Variants in TNIK observed in about 807,000 individuals in gnomAD.
The protein encoded by TNIK is TRAF2 and NCK interacting kinase.
TNIK carries 49 observed loss-of-function variants against 191.3 expected under a neutral mutation model. That is an observed-to-expected ratio of 0.26 (90% CI 0.20 to 0.32). The LOEUF (loss-of-function observed/expected upper bound fraction) is 0.32, where lower values mean the gene tolerates loss of function less well. Ranked by LOEUF, TNIK falls within the 10% of genes least tolerant of loss-of-function variation. TNIK has a pLI of 1.00. For synonymous variants in TNIK, 594 were observed against 600.9 expected (o/e 0.99, Z 0.17); for missense variants, 1,155 against 1,702.3 (o/e 0.68, Z 5.66).
chr3:171,095,901 A>T (rs1722645517), intron 22 of TNIK, among the ~76,000 whole-genome samples: 1 of 152,198 alleles, frequency 6.6e-6, no homozygotes, highest in African/African-American at 2.4e-5. Context: ...TAGTGTTCAG[A>T]GACATGGAAA....
At chr3:171,110,322 A>G (rs1410184658) in intron 19 of TNIK, among the ~76,000 whole-genome samples, 3 of 152,240 alleles carry the variant, frequency 2.0e-5, no homozygotes, top group Non-Finnish European at 2.9e-5. Context: ...TATATGAACT[A>G]TGTTCAGAAT....
chr3:171,447,073 C>A (rs1727600558), intron 1 of TNIK, among the ~76,000 whole-genome samples: 1 of 152,156 alleles, frequency 6.6e-6, no homozygotes, highest in Non-Finnish European at 1.5e-5. Context: ...CGCCTGTAAT[C>A]CCAGCTACTC....
intron 1 of TNIK, among the ~76,000 whole-genome samples, chr3:171,434,635 T>C (rs141530246): frequency 7.1e-4 from 108 of 152,114 alleles, no homozygotes; most frequent in African/African-American, 2.4e-3. Flanking sequence ...TTTTTTAAAA[T>C]TGTTTTTAGA....
intron 26 of TNIK, 126 bp from the exon 27 acceptor site, chr3:171,082,520 T>C (rs564614643): frequency 4.8e-6 from 5 of 1,035,422 alleles, no homozygotes; most frequent in Middle Eastern, 2.1e-4. Context: ...TAGGTAAATA[T>C]AAACTAATGA....
chr3:171,373,214 A>G (rs1212754517), intron 1 of TNIK, among the ~76,000 whole-genome samples: 1 of 152,150 alleles, frequency 6.6e-6, no homozygotes, highest in Non-Finnish European at 1.5e-5. Flanking sequence ...TTTCTTACAC[A>G]TAGTGGTTGC....
chr3:171,075,884 C>T (rs1022153646), intron 28 of TNIK, among the ~76,000 whole-genome samples: 4 of 151,964 alleles, frequency 2.6e-5, no homozygotes, highest in Admixed American at 2.0e-4. Context: ...TTACAGGTGC[C>T]CATCACCATG....
At chr3:171,193,355 A>G (rs1370412435) in intron 5 of TNIK, among the ~76,000 whole-genome samples, 2 of 152,232 alleles carry the variant, frequency 1.3e-5, no homozygotes, top group Non-Finnish European at 2.9e-5. Flanking sequence ...AAATATACCT[A>G]TAGGAATTTT....
Position 171,085,153 on chromosome 3 carries a change from T to C in TNIK, c.2963A>G (p.Asp988Gly), listed in dbSNP as rs925723188. ...DPRVYQTSPT[D>G]EDEEDEESSA... ...TGATTCCTCATCCTCTTCATCTTCA[T>C]CAGTGGGAGACGTCTGGTATACTCT... The change falls in exon 25 of 33, where the codon GAT becomes GGT. Residue 988 changes from aspartate (D) to glycine (G), a missense_variant. Transcript: ENST00000436636. 4 of 1,611,588 alleles carry C rather than the reference T, an allele frequency of 2.5e-6. No individual in the cohort carries two copies. Among genetic ancestry groups the C allele is most frequent in the Non-Finnish European group, 3.4e-6 (4 of 1,178,976 alleles).
intron 2 of TNIK, among the ~76,000 whole-genome samples, chr3:171,292,617 A>T (rs1335616920): frequency 6.6e-6 from 1 of 152,018 alleles, no homozygotes; most frequent in African/African-American, 2.4e-5. Context: ...TCTACTAAAA[A>T]CACAAAAAAT....
At chr3:171,455,997 C>T (rs1239734091) in intron 1 of TNIK, among the ~76,000 whole-genome samples, 1 of 152,174 alleles carries the variant, frequency 6.6e-6, no homozygotes, top group Non-Finnish European at 1.5e-5. Context: ...GTATGCAAGG[C>T]TTTCAGATGA....
intron 1 of TNIK, among the ~76,000 whole-genome samples, chr3:171,456,444 C>T (rs1728807364): frequency 6.6e-6 from 1 of 152,182 alleles, no homozygotes; most frequent in Non-Finnish European, 1.5e-5. Context: ...CATAATACTA[C>T]ACATAATATA....
intron 2 of TNIK, among the ~76,000 whole-genome samples, chr3:171,333,399 G>T (rs1756607555): frequency 6.6e-6 from 1 of 151,402 alleles, no homozygotes; most frequent in South Asian, 2.1e-4. Flanking sequence ...CTACTAAAAA[G>T]TACAAAAATT....
chr3:171,257,973 A>G (rs1280520240), intron 2 of TNIK, among the ~76,000 whole-genome samples: 1 of 152,176 alleles, frequency 6.6e-6, no homozygotes, highest in Admixed American at 6.5e-5. Flanking sequence ...TGGTTCCTGC[A>G]TTTGGAGATT....
chr3:171,459,163 G>A (rs1729112432), intron 1 of TNIK, among the ~76,000 whole-genome samples: 1 of 152,090 alleles, frequency 6.6e-6, no homozygotes, highest in Admixed American at 6.5e-5. Context: ...CAAACCAGTG[G>A]GGCTGGGGGG....
chr3:171,071,930 A>G (rs548002911), intron 28 of TNIK, among the ~76,000 whole-genome samples: 144 of 152,294 alleles, frequency 9.5e-4, no homozygotes, highest in African/African-American at 3.3e-3. Context: ...TGTAAATTCT[A>G]TGGACAGAAG....
intron 2 of TNIK, among the ~76,000 whole-genome samples, chr3:171,356,185 GA>G (rs368687323): frequency 0.036 from 5,370 of 150,604 alleles, 123 homozygotes; most frequent in African/African-American, 0.059. Flanking sequence ...TTTCTGGGGG[GA>G]AAAAAAAATC....
At chr3:171,244,127 C>T (rs1354249055) in intron 2 of TNIK, among the ~76,000 whole-genome samples, 2 of 148,956 alleles carry the variant, frequency 1.3e-5, no homozygotes, top group African/African-American at 5.0e-5. Context: ...TGCAGGCGTG[C>T]GATCTCGGCT....
At chr3:171,321,596 A>G (rs1755170018) in intron 2 of TNIK, among the ~76,000 whole-genome samples, 2 of 152,216 alleles carry the variant, frequency 1.3e-5, no homozygotes, top group Non-Finnish European at 2.9e-5. Flanking sequence ...ATAAAGATTA[A>G]TAATATCAAC....
At chr3:171,229,743 G>A (rs919545003) in intron 2 of TNIK, among the ~76,000 whole-genome samples, 8 of 151,940 alleles carry the variant, frequency 5.3e-5, no homozygotes, top group Admixed American at 2.6e-4. Flanking sequence ...GCTTCCTTCC[G>A]CTTTTGACCC....
Sources: allele counts gnomAD v4.1 joint callset (sites outside exome capture counted in the v4.1 genomes callset), GRCh38; gene constraint gnomAD v4.1.1; transcripts MANE v1.5; gene names NCBI Gene and HGNC (gene_info 2026-07-23, HGNC 2026-07-21).